Variants in CYP3A5 observed in about 807,000 individuals in gnomAD.
The protein encoded by CYP3A5 is cytochrome P450 family 3 subfamily A member 5.
CYP3A5 carries 51 observed loss-of-function variants against 55.9 expected under a neutral mutation model. The observed-to-expected ratio is 0.91, with a 90% CI of 0.73 to 1.15. CYP3A5 has a LOEUF of 1.15. CYP3A5 is among the 50% of genes most tolerant of loss of function. The pLI, the probability that CYP3A5 is intolerant of heterozygous loss-of-function variation, is 0.00. For missense variants in CYP3A5, 533 were observed against 596.6 expected, an observed-to-expected ratio of 0.89 and a Z score of 1.11; for synonymous variants, 196 against 213.9, an observed-to-expected ratio of 0.92 and a Z score of 0.73.
At chr7:99,650,428 C>A (rs1809059544) in intron 11 of CYP3A5, among the ~76,000 whole-genome samples, 196 bp from the exon 12 acceptor site, 1 of 152,186 alleles carries the variant, frequency 6.6e-6, no homozygotes. Context: ...CCTTTAAATT[C>A]TCCATACCCT....
At chr7:99,658,639 A>T (rs1036189879) in intron 10 of CYP3A5, among the ~76,000 whole-genome samples, 1 of 152,098 alleles carries the variant, frequency 6.6e-6, no homozygotes, top group Admixed American at 6.5e-5. Context: ...GCCTTGCTAG[A>T]TTGGGGAAGT....
In CYP3A5 at chr7:99,663,712, A is replaced by C. The variant is rs1329595805; in HGVS notation, c.798+256T>G. 2.8e-6 allele frequency: 3 copies of C among 1,080,970 alleles called. No homozygotes were observed. The African/African-American group carries it at 5.0e-5, about 18-fold the overall frequency. 67.0% of individuals were successfully genotyped at this position (1,080,970 alleles called of 1,614,324 possible). ...TTATTAAAGGGAAGAGAAGTGGTAA[A>C]ATTTTATCTCAATACTGTTTATATC... On this transcript the variant is annotated intron_variant, in intron 8 of 12. Transcript: ENST00000222982.
At chr7:99,675,794 T>C (rs942806954) in intron 2 of CYP3A5, among the ~76,000 whole-genome samples, 1 of 147,236 alleles carries the variant, frequency 6.8e-6, no homozygotes, top group African/African-American at 2.5e-5. Context: ...CCTGGGTTCA[T>C]ACAATCCTCC....
intron 5 of CYP3A5, 116 bp from the exon 6 acceptor site, chr7:99,666,805 T>A (rs929579879): frequency 6.3e-7 from 1 of 1,589,906 alleles, no homozygotes. Flanking sequence ...TTTTGTGATG[T>A]CTTTTCTGTA....
At chr7:99,648,471 G>A in intron 12 of CYP3A5, 71 bp from the exon 13 acceptor site, 3 of 814,334 alleles carry the variant, frequency 3.7e-6, no homozygotes, top group South Asian at 1.5e-5. Context: ...AAGCAAAGTA[G>A]AAAAAATATG....
chr7:99,663,401 A>T, intron 8 of CYP3A5: 3 of 990,944 alleles, frequency 3.0e-6, no homozygotes, highest in Non-Finnish European at 3.6e-6. Context: ...TGACCTGCAG[A>T]CATCCTTCGG....
At chr7:99,676,719 T>C in intron 1 of CYP3A5, 2 of 486,870 alleles carry the variant, frequency 4.1e-6, no homozygotes. Context: ...TTATGCTTTT[T>C]CTTCCCTCTA....
At chr7:99,672,059 T>G (rs1451304784) in intron 4 of CYP3A5, among the ~76,000 whole-genome samples, 1 of 152,120 alleles carries the variant, frequency 6.6e-6, no homozygotes, top group Non-Finnish European at 1.5e-5. Context: ...TTGTTGTTGT[T>G]GTTGTTGTTT....
Position 99,668,864 on chromosome 7 carries a change from C to T in CYP3A5, c.319-1799G>A, listed in dbSNP as rs574689861. 2.2e-4 allele frequency among the ~76,000 whole-genome samples: 33 copies of T among 152,292 alleles called. 1 individual carries two copies. The South Asian group carries it at 5.6e-3, about 26-fold the overall frequency. On this transcript the variant is annotated intron_variant, in intron 4 of 12. Coordinates refer to ENST00000222982, the MANE Select transcript of CYP3A5 (RefSeq NM_000777.5). ...TTCTAATCACGGACAGTTGAATTGA[C>T]ACTGTCAGGTATTAGGTGTGTTTGT...
At chr7:99,667,928 A>T (rs1237876138) in intron 4 of CYP3A5, among the ~76,000 whole-genome samples, 1 of 152,226 alleles carries the variant, frequency 6.6e-6, no homozygotes, top group Non-Finnish European at 1.5e-5. Context: ...AGCATACCTG[A>T]TGTCTTAATA....
intron 12 of CYP3A5, among the ~76,000 whole-genome samples, chr7:99,649,563 AG>A (rs771978521): frequency 6.6e-6 from 1 of 152,024 alleles, no homozygotes; most frequent in South Asian, 2.1e-4. Flanking sequence ...AGAACTAATC[AG>A]GGGTTCACCC....
chr7:99,663,761 G>T, intron 8 of CYP3A5: 1 of 1,232,934 alleles, frequency 8.1e-7, no homozygotes, highest in Non-Finnish European at 1.0e-6. Flanking sequence ...TGTTGTGCCT[G>T]ATTTCAAGTT....
rs147489136 is a variant in CYP3A5 at position 99,665,228 on chromosome 7, A to C, written c.608T>G (p.Phe203Cys). The change falls in exon 7 of 13, where the codon TTT becomes TGT. Residue 203 changes from phenylalanine to cysteine, a missense_variant. By Grantham distance (205) the Phe-to-Cys change is radical. Transcript: ENST00000222982. ...TAGGAACTTCTTAGTGCTCTCCACA[A>C]AGGGGTCTTGTGGATTGTTGAGAGA... ...IDSLNNPQDP[F>C]VESTKKFLKF... 572 of 1,614,052 alleles carry C rather than the reference A, an allele frequency of 3.5e-4. 1 individual carries two copies. Among genetic ancestry groups the C allele is most frequent in the Non-Finnish European group, 4.5e-4 (536 of 1,179,998 alleles).
At position 99,653,008 on chromosome 7, in the gene CYP3A5, AC is replaced by A. The variant is rs1261516904; in HGVS notation, c.1027-230del. ...GTAGGAGATATTCAAGACCATCCTCACCCCAGGGACTGAAATCCTTAGCATG... is the reference window on the plus strand; with the variant it reads ...GTAGGAGATATTCAAGACCATCCTCACCCAGGGACTGAAATCCTTAGCATG... On this transcript the variant is annotated intron_variant, in intron 10 of 12. Transcript: ENST00000222982. The surrounding 1 kb of genome is among the most constrained non-coding windows in gnomAD (Gnocchi z 4.2). Among the ~76,000 whole-genome samples the A allele has an allele frequency of 6.6e-6, 1 of 152,076 alleles. No individual in the cohort carries two copies. The highest frequency in any genetic ancestry group is 2.4e-5 in the African/African-American group (1 of 41,404).
chr7:99,667,182 T>C (rs1811109905), intron 4 of CYP3A5, 117 bp from the exon 5 acceptor site: 1 of 1,036,476 alleles, frequency 9.6e-7, no homozygotes, highest in South Asian at 1.8e-5. Flanking sequence ...TATATGATAT[T>C]ATGGCAAGCC....
chr7:99,657,462 G>A (rs900606417), intron 10 of CYP3A5, among the ~76,000 whole-genome samples: 2 of 152,054 alleles, frequency 1.3e-5, no homozygotes, highest in Admixed American at 1.3e-4. Flanking sequence ...TTGTTATAAT[G>A]TCTGTTCTTT....
chr7:99,672,620 A>T lies in CYP3A5; in HGVS notation c.278T>A (p.Val93Glu). ...AITDPDVIRT[V>E]LVKECYSVFT... ...GACAGAATAACATTCTTTCACTAGC[A>T]CTGTTCTGATCACGTCGGGATCTGT... is the stretch of plus-strand genomic sequence containing the variant. Residue 93 changes from valine to glutamate, a missense_variant, in exon 4 of 13, where the codon GTG (valine) becomes GAG (glutamate). Physicochemically the swap from Val to Glu is moderately radical, Grantham distance 121. Coordinates refer to ENST00000222982, the MANE Select transcript of CYP3A5 (RefSeq NM_000777.5). 6.2e-7 allele frequency: 1 copy of T among 1,614,122 alleles called. No individual in the cohort carries two copies. Among genetic ancestry groups the T allele is most frequent in the East Asian group, 2.2e-5 (1 of 44,884 alleles).
chr7:99,656,733 CT>C (rs1279857115), intron 10 of CYP3A5, among the ~76,000 whole-genome samples: 3 of 152,144 alleles, frequency 2.0e-5, no homozygotes, highest in Admixed American at 6.5e-5. Context: ...GGTTGGTAAG[CT>C]ATTAATTATT....
intron 8 of CYP3A5, chr7:99,663,156 A>T: frequency 8.6e-7 from 1 of 1,167,492 alleles, no homozygotes; most frequent in Non-Finnish European, 1.1e-6. Flanking sequence ...TTTTGGATAC[A>T]GCTTTCTGGC....
Sources: allele counts gnomAD v4.1 joint callset (sites outside exome capture counted in the v4.1 genomes callset), GRCh38; gene constraint gnomAD v4.1.1; non-coding constraint Gnocchi (gnomAD v3.1); transcripts MANE v1.5; gene names NCBI Gene and HGNC (gene_info 2026-07-23, HGNC 2026-07-21).